Variants in SYT6 observed in about 807,000 individuals in gnomAD.
SYT6 encodes the protein synaptotagmin 6.
A neutral mutation model predicts 38.4 loss-of-function variants in SYT6; 24 were observed. The observed-to-expected ratio is 0.62, with a 90% CI of 0.45 to 0.88. The LOEUF (loss-of-function observed/expected upper bound fraction) is 0.88, where lower values mean the gene tolerates loss of function less well. Among genes scored for constraint, SYT6 ranks in the 40% least tolerant of loss-of-function variants. The probability of loss-of-function intolerance (pLI) is 0.00; values close to 1 mark genes in which losing one functional copy is unlikely to be tolerated. For synonymous variants in SYT6, 265 were observed against 241.9 expected, an observed-to-expected ratio of 1.10 and a Z score of -0.89; for missense variants, 611 against 621.0, an observed-to-expected ratio of 0.98 and a Z score of 0.17.
intron 3 of SYT6, among the ~76,000 whole-genome samples, chr1:114,111,336 G>A (rs1310530632): frequency 2.0e-5 from 3 of 152,114 alleles, no homozygotes; most frequent in African/African-American, 7.2e-5. Context: ...TTTTTACCTG[G>A]GGACACTGAA....
intron 3 of SYT6, among the ~76,000 whole-genome samples, chr1:114,112,949 T>C (rs1353380914): frequency 6.6e-6 from 1 of 152,198 alleles, no homozygotes; most frequent in Non-Finnish European, 1.5e-5. Flanking sequence ...ACCTTGGTCC[T>C]GGTTTCCTGA....
At chr1:114,095,700 G>T (rs150032821) in intron 6 of SYT6, among the ~76,000 whole-genome samples, 3,705 of 148,650 alleles carry the variant, frequency 0.025, 139 homozygotes, top group African/African-American at 0.086. Context: ...TCGCTCTGTT[G>T]TCCAGGCTGG....
intron 1 of SYT6, among the ~76,000 whole-genome samples, chr1:114,148,578 A>G (rs1381547616): frequency 6.6e-6 from 1 of 152,226 alleles, no homozygotes; most frequent in Non-Finnish European, 1.5e-5. Context: ...GGAGCAAGTG[A>G]CGCAGAGGCC....
At chr1:114,110,401 T>C (rs1017013237) in intron 3 of SYT6, among the ~76,000 whole-genome samples, 1 of 152,080 alleles carries the variant, frequency 6.6e-6, no homozygotes, top group Non-Finnish European at 1.5e-5. Flanking sequence ...TGAGTGGGTG[T>C]GCGGCCGCTT....
At chr1:114,093,634 CTCCA>C (rs1485560651) in intron 7 of SYT6, 97 bp downstream of exon 7, 10 of 1,147,390 alleles carry the variant, frequency 8.7e-6, no homozygotes, top group Non-Finnish European at 1.2e-5. Flanking sequence ...GTTCTTTCCA[CTCCA>C]TCCTGCTGCT....
chr1:114,137,526 G>C lies in SYT6; in HGVS notation c.1040C>G (p.Ser347Cys). The change falls in exon 3 of 8, where the codon TCC (serine) becomes TGC (cysteine). Residue 347 changes from serine (S) to cysteine (C), a missense_variant. By Grantham distance (112) the Ser-to-Cys change is moderately radical (BLOSUM62 -1). Transcript: ENST00000610222. ...FEASDLSRET[S>C]IWKDIQYATS... ...GGCATATTGGATATCCTTCCAGATG[G>C]AGGTTTCCCGAGACAGGTCAGAGGC... 1 of 1,613,958 alleles carries C rather than the reference G, an allele frequency of 6.2e-7. No individual in the cohort carries two copies. Among genetic ancestry groups the C allele is most frequent in the Non-Finnish European group, 8.5e-7 (1 of 1,179,826 alleles).
intron 6 of SYT6, among the ~76,000 whole-genome samples, chr1:114,096,685 GT>G (rs1675660737): frequency 6.6e-6 from 1 of 152,230 alleles, no homozygotes; most frequent in East Asian, 1.9e-4. Flanking sequence ...ATCATAGAGT[GT>G]GGGGAGGGGA....
rs1472784583 is a variant in SYT6, at chr1:114,106,994, AG to A, written c.1072-3274del. On this transcript the variant is annotated intron_variant, in intron 3 of 7. Coordinates refer to ENST00000610222, the MANE Select transcript of SYT6 (RefSeq NM_001253772.2). Reference sequence around the variant, plus strand: ...ATTTTAGTAAAAGAACTCTGGAAGGAGTGGTTCTTCACGCAGTGTTATGATC... The same window carrying A: ...ATTTTAGTAAAAGAACTCTGGAAGGATGGTTCTTCACGCAGTGTTATGATC... 2.0e-5 allele frequency among the ~76,000 whole-genome samples: 3 copies of A among 152,162 alleles called. 1 individual carries two copies. The East Asian group carries it at 5.8e-4, about 29-fold the overall frequency.
chr1:114,123,973 C>CAATTCTTCCACTT (rs77302800), intron 3 of SYT6, among the ~76,000 whole-genome samples: 7 of 151,894 alleles, frequency 4.6e-5, no homozygotes. Context: ...AGACCCCATC[C>CAATTCTTCCACTT]GGCTGGGGCC....
chr1:114,117,010 C>T (rs887008737), intron 3 of SYT6, among the ~76,000 whole-genome samples: 9 of 152,228 alleles, frequency 5.9e-5, no homozygotes, highest in Non-Finnish European at 2.9e-5. Context: ...CAACGAAGAA[C>T]TCCTGATTCA....
At chr1:114,150,542 C>T (rs2101131162) in intron 1 of SYT6, among the ~76,000 whole-genome samples, 1 of 152,282 alleles carries the variant, frequency 6.6e-6, no homozygotes, top group Non-Finnish European at 1.5e-5. Context: ...CTAAGAAAAA[C>T]AGGGAAGCTT....
chr1:114,137,420 G>A, intron 3 of SYT6, 75 bp downstream of exon 3: 2 of 1,504,174 alleles, frequency 1.3e-6, no homozygotes, highest in Non-Finnish European at 1.8e-6. Flanking sequence ...TCTAGGAAGT[G>A]AGGGTTTGGG....
At position 114,130,126 on chromosome 1, in the gene SYT6, T is replaced by G. The variant is rs143407833; in HGVS notation, c.1071+7369A>C. Among the ~76,000 whole-genome samples, 31 of 152,256 alleles carry G rather than the reference T, an allele frequency of 2.0e-4. 1 individual carries two copies. The East Asian group carries it at 6.0e-3, about 29-fold the overall frequency. ...CAAAGGGCACCCTCTCAGGGAGGTCTCCCCTGCCCACCCTGTTTTGCCCTG... is the reference window on the plus strand; with the variant it reads ...CAAAGGGCACCCTCTCAGGGAGGTCGCCCCTGCCCACCCTGTTTTGCCCTG... On this transcript the variant is annotated intron_variant, in intron 3 of 7. Coordinates refer to ENST00000610222, the MANE Select transcript of SYT6 (RefSeq NM_001253772.2).
intron 3 of SYT6, among the ~76,000 whole-genome samples, chr1:114,125,819 C>CT (rs1677692344): frequency 6.6e-6 from 1 of 152,122 alleles, no homozygotes; most frequent in African/African-American, 2.4e-5. Flanking sequence ...TAAACGGCCT[C>CT]TTTTTTCCTT....
Position 114,137,546 on chromosome 1 carries a change from A to G in SYT6, c.1020T>C (p.Ser340=). ...EVILDNLFEA[S]DLSRETSIWK... is the part of the protein sequence containing the mutation. ...AGATGGAGGTTTCCCGAGACAGGTC[A>G]GAGGCCTCAAAGAGGTTGTCCAGGA... The change falls in exon 3 of 8, where the codon TCT becomes TCC. Residue 340 remains serine (S), a synonymous_variant. Transcript: ENST00000610222. 3 of 1,614,220 alleles carry G rather than the reference A, an allele frequency of 1.9e-6. No individual in the cohort carries two copies. The highest frequency in any genetic ancestry group is 2.5e-6 in the Non-Finnish European group (3 of 1,180,014).
At chr1:114,117,343 AGCCTTTCATTCTCCT>A (rs1355768651) in intron 3 of SYT6, among the ~76,000 whole-genome samples, 1 of 152,238 alleles carries the variant, frequency 6.6e-6, no homozygotes, top group Non-Finnish European at 1.5e-5. Context: ...TCTGTTTGTA[AGCCTTTCATTCTCCT>A]GCCACATGGA....
At chr1:114,100,660 A>G (rs1206509919) in intron 4 of SYT6, among the ~76,000 whole-genome samples, 1 of 152,102 alleles carries the variant, frequency 6.6e-6, no homozygotes, top group African/African-American at 2.4e-5. Context: ...ATTTGAAAGG[A>G]CCCTCTCTTA....
At chr1:114,151,065 T>C (rs1035604313) in intron 1 of SYT6, among the ~76,000 whole-genome samples, 1 of 152,086 alleles carries the variant, frequency 6.6e-6, no homozygotes, top group Non-Finnish European at 1.5e-5. Context: ...CTGCAACAAA[T>C]GAAAAGCTCT....
intron 3 of SYT6, among the ~76,000 whole-genome samples, chr1:114,106,070 T>C (rs1676293399): frequency 6.6e-6 from 1 of 152,118 alleles, no homozygotes; most frequent in African/African-American, 2.4e-5. Context: ...GAGAGACACA[T>C]AGCAAGTGCC....
Sources: allele counts gnomAD v4.1 joint callset (sites outside exome capture counted in the v4.1 genomes callset), GRCh38; gene constraint gnomAD v4.1.1; transcripts MANE v1.5; gene names NCBI Gene and HGNC (gene_info 2026-07-23, HGNC 2026-07-21).